The following FAM221A variants were observed in gnomAD, a reference collection of about 807,000 sequenced individuals.
FAM221A encodes the protein family with sequence similarity 221 member A, also known as protein FAM221A.
A neutral mutation model predicts 37.6 loss-of-function variants in FAM221A; 43 were observed. That is an observed-to-expected ratio of 1.15 (90% CI 0.90 to 1.48). The LOEUF (loss-of-function observed/expected upper bound fraction) is 1.48, where lower values mean the gene tolerates loss of function less well. Ranked by LOEUF, FAM221A falls within the 40% of genes most tolerant of loss-of-function variation. The pLI is 0.00. For missense variants in FAM221A, 361 were observed against 361.5 expected (o/e 1.00, Z 0.01); for synonymous variants, 135 against 132.9 (o/e 1.02, Z -0.11).
At chr7:23,697,897 A>G (rs1245945230) in intron 4 of FAM221A, among the ~76,000 whole-genome samples, 1 of 151,356 alleles carries the variant, frequency 6.6e-6, no homozygotes, top group East Asian at 1.9e-4. Flanking sequence ...GGCTACAGGC[A>G]CACACCACCA....
At chr7:23,701,238 CTTTTTT>C (rs1386533372) in intron 6 of FAM221A, among the ~76,000 whole-genome samples, 1 of 52,222 alleles carries the variant, frequency 1.9e-5, no homozygotes. Flanking sequence ...TTTGAATTCT[CTTTTTT>C]TTTTTTTTTT....
At chr7:23,697,395 C>T (rs1003842032) in intron 4 of FAM221A, among the ~76,000 whole-genome samples, 17 of 152,206 alleles carry the variant, frequency 1.1e-4, no homozygotes, top group Admixed American at 9.2e-4. Context: ...CTGCAGCTTC[C>T]TTCCTTTTGG....
Position 23,680,330 on chromosome 7 carries a change from A to T in FAM221A, c.65+47A>T, listed in dbSNP as rs564083245. The T allele has an allele frequency of 7.4e-5, 108 of 1,466,584 alleles. 1 individual carries two copies. The South Asian group carries it at 1.1e-3, about 15-fold the overall frequency. The allele number at this position is 1,466,584 out of a possible 1,614,324, so 90.8% of individuals were successfully genotyped here. On this transcript the variant is annotated intron_variant, in intron 1 of 6. Transcript: ENST00000344962. ...TGCCCCCCCGCCGCTCCGAGGGGCC[A>T]GGATCCCTGGGCTGGGGGCGCGAGC...
chr7:23,701,002 G>A (rs572988458), intron 6 of FAM221A, 134 bp downstream of exon 6: 6 of 614,864 alleles, frequency 9.8e-6, no homozygotes, highest in Admixed American at 5.8e-5. Context: ...GTTAGGCCTT[G>A]AGGCTTATTA....
chr7:23,681,522 T>A (rs1319163606), intron 1 of FAM221A, among the ~76,000 whole-genome samples: 5 of 151,850 alleles, frequency 3.3e-5, no homozygotes, highest in African/African-American at 9.7e-5. Flanking sequence ...TGGGTTCAAG[T>A]GATTCTCCTG....
chr7:23,692,225 A>G, intron 4 of FAM221A: 1 of 958,726 alleles, frequency 1.0e-6, no homozygotes. Context: ...TGGGGAGCAG[A>G]ATGTGTTCCC....
intron 6 of FAM221A, 34 bp from the exon 7 acceptor site, chr7:23,702,062 A>C (rs562647577): frequency 1.4e-6 from 2 of 1,445,336 alleles, no homozygotes; most frequent in East Asian, 2.4e-5. Flanking sequence ...ATGGTTTACA[A>C]GTTATTATAT....
At position 23,700,801 on chromosome 7, in the gene FAM221A, A is replaced by C; in HGVS notation, c.761A>C (p.Gln254Pro). 1 of 1,603,656 alleles carries C rather than the reference A, an allele frequency of 6.2e-7. No homozygotes were observed. The change falls in exon 6 of 7, where the codon CAA (glutamine) becomes CCA (proline). Residue 254 changes from glutamine to proline, a missense_variant. Coordinates refer to ENST00000344962, the MANE Select transcript of FAM221A (RefSeq NM_199136.5). ...TCCTTGTTAGTAGGTACAAGTAGTC[A>C]AGTTTCTTCATTAAGGAGACCTGAA... is the stretch of plus-strand genomic sequence containing the variant. The part of the protein sequence containing the change: ...ETLTDVGTSS[Q>P]VSSLRRPEED...
At chr7:23,682,025 T>C (rs903110699) in intron 1 of FAM221A, among the ~76,000 whole-genome samples, 5 of 152,098 alleles carry the variant, frequency 3.3e-5, no homozygotes, top group African/African-American at 4.8e-5. Flanking sequence ...TGGCATCACC[T>C]GTTAGCTTGT....
chr7:23,684,439 C>T (rs1452522376), intron 1 of FAM221A, 60 bp from the exon 2 acceptor site: 5 of 1,184,160 alleles, frequency 4.2e-6, no homozygotes, highest in Non-Finnish European at 4.7e-6. Flanking sequence ...GTGGCCTGGT[C>T]ATAGCTCACC....
intron 1 of FAM221A, among the ~76,000 whole-genome samples, chr7:23,680,976 G>A (rs576932101): frequency 3.4e-3 from 512 of 152,290 alleles, no homozygotes; most frequent in Non-Finnish European, 4.5e-3. Flanking sequence ...TCCAGGCTCC[G>A]CCAGGGAGGC....
At chr7:23,689,197 A>G in intron 2 of FAM221A, 72 bp from the exon 3 acceptor site, 1 of 1,006,414 alleles carries the variant, frequency 9.9e-7, no homozygotes, top group Non-Finnish European at 1.4e-6. Context: ...TCTGCCTTTA[A>G]TATAATAGAA....
intron 1 of FAM221A, among the ~76,000 whole-genome samples, chr7:23,682,628 T>C (rs1315900769): frequency 1.3e-5 from 2 of 151,654 alleles, no homozygotes; most frequent in Non-Finnish European, 1.5e-5. Context: ...TTTTGCTATA[T>C]TGGCCAGGCT....
chr7:23,691,678 C>A, intron 4 of FAM221A, 82 bp downstream of exon 4: 1 of 1,161,914 alleles, frequency 8.6e-7, no homozygotes, highest in Non-Finnish European at 1.3e-6. Flanking sequence ...ATTTGTTAAG[C>A]AATTTATAGT....
At chr7:23,702,738 A>AT (rs1286233279), downstream of FAM221A, 3 of 152,208 alleles carry the variant, frequency 2.0e-5, no homozygotes, top group Non-Finnish European at 4.4e-5. Context: ...TCAACCACCC[A>AT]TTGTCTATGA....
chr7:23,690,199 A>ATATATATATATTT lies in FAM221A; in HGVS notation c.430+741_430+742insATATATATATTTT, dbSNP rs774313037. Reference sequence around the variant, plus strand: ...TATATATATATATATATATATATATATTTTTTTTTTTTTTAATAGAGTTTT... The same window carrying ATATATATATATTT: ...TATATATATATATATATATATATATATATATATATATTTTTTTTTTTTTTTTTAATAGAGTTTT... On this transcript the variant is annotated intron_variant, in intron 3 of 6. Coordinates refer to ENST00000344962, the MANE Select transcript of FAM221A (RefSeq NM_199136.5). Among the ~76,000 whole-genome samples, 322 of 48,668 alleles carry ATATATATATATTT rather than the reference A, an allele frequency of 6.6e-3. 5 individuals are homozygous for ATATATATATATTT. Among genetic ancestry groups the ATATATATATATTT allele is most frequent in the Non-Finnish European group, 8.0e-3 (223 of 27,726 alleles). 31.9% of individuals were successfully genotyped at this position (48,668 alleles called of 152,430 possible).
rs1367120979 is a variant in FAM221A, at chr7:23,700,823, T to C, written c.783T>C (p.Pro261=). 6.2e-7 allele frequency: 1 copy of C among 1,608,828 alleles called. No individual in the cohort carries two copies. The highest frequency in any genetic ancestry group is 2.2e-5 in the East Asian group (1 of 44,666). Residue 261 remains proline (P), a synonymous_variant, in exon 6 of 7, where the codon CCT becomes CCC. Transcript: ENST00000344962. ...GTCAAGTTTCTTCATTAAGGAGACC[T>C]GAAGAGGATGATATGGCTTTCTTTG... ...TSSQVSSLRR[P]EEDDMAFFER...
chr7:23,685,256 G>GCAAAACAAAACAAAA (rs58823921), intron 2 of FAM221A, among the ~76,000 whole-genome samples: 1 of 148,746 alleles, frequency 6.7e-6, no homozygotes, highest in Non-Finnish European at 1.5e-5. Context: ...TCAAAACAAA[G>GCAAAACAAAACAAAA]CAAAACAAAA....
intron 5 of FAM221A, among the ~76,000 whole-genome samples, chr7:23,699,188 G>A (rs539513300): frequency 2.0e-4 from 30 of 151,062 alleles, no homozygotes; most frequent in African/African-American, 6.6e-4. Flanking sequence ...TGTGATCATG[G>A]CTCACTGTTA....
Sources: gnomAD v4.1 joint callset for allele counts (sites outside exome capture counted in the v4.1 genomes callset) on GRCh38, gnomAD v4.1.1 for gene constraint, MANE v1.5 for transcripts, NCBI Gene and HGNC (gene_info 2026-07-23, HGNC 2026-07-21) for gene names.